Variants in CDC42BPA observed in about 807,000 individuals in gnomAD.
CDC42BPA encodes CDC42 binding protein kinase alpha.
CDC42BPA carries 80 observed loss-of-function variants against 223.5 expected under a neutral mutation model. The ratio of observed to expected loss-of-function variants is 0.36; its 90% CI spans 0.30 to 0.43. The LOEUF is 0.43. Ranked by LOEUF, CDC42BPA falls within the 20% of genes least tolerant of loss-of-function variation. The pLI is 1.00. For missense variants in CDC42BPA, 1,743 were observed against 2,099.9 expected, an observed-to-expected ratio of 0.83 and a Z score of 3.32; for synonymous variants, 694 against 718.6, an observed-to-expected ratio of 0.97 and a Z score of 0.55.
intron 21 of CDC42BPA, among the ~76,000 whole-genome samples, chr1:227,056,585 T>G (rs1363480391): frequency 1.3e-5 from 2 of 152,084 alleles, no homozygotes; most frequent in African/African-American, 4.8e-5. Context: ...AGAGGCAGGG[T>G]CTCCCTATGT....
At chr1:227,220,311 T>TATATATATATATACAC (rs1210485137) in intron 2 of CDC42BPA, among the ~76,000 whole-genome samples, 1 of 49,532 alleles carries the variant, frequency 2.0e-5, no homozygotes, top group African/African-American at 7.1e-5. Context: ...TATATATATA[T>TATATATATATATACAC]ACACACACAC....
intron 2 of CDC42BPA, among the ~76,000 whole-genome samples, chr1:227,241,964 T>A (rs887519801): frequency 6.6e-6 from 1 of 152,138 alleles, no homozygotes; most frequent in African/African-American, 2.4e-5. Context: ...AATTGTCTTA[T>A]GAGCTTAAAT....
chr1:227,316,943 T>C, intron 1 of CDC42BPA, 62 bp downstream of exon 1: 1 of 1,256,754 alleles, frequency 8.0e-7, no homozygotes, highest in African/African-American at 1.5e-5. Flanking sequence ...TAACTCTCTA[T>C]ACCAATTAAA....
intron 15 of CDC42BPA, among the ~76,000 whole-genome samples, chr1:227,092,645 G>A (rs571509416): frequency 3.0e-4 from 45 of 152,090 alleles, no homozygotes; most frequent in Non-Finnish European, 5.7e-4. Flanking sequence ...ATTAACAATA[G>A]TATTCCAAAC....
intron 1 of CDC42BPA, among the ~76,000 whole-genome samples, chr1:227,311,892 T>TC (rs1693602168): frequency 1.3e-5 from 2 of 150,858 alleles, no homozygotes; most frequent in African/African-American, 2.4e-5. Context: ...TGCCCATACC[T>TC]TACACTCTTT....
chr1:227,017,380 T>C (rs1352705342), intron 32 of CDC42BPA, among the ~76,000 whole-genome samples: 1 of 152,174 alleles, frequency 6.6e-6, no homozygotes. Flanking sequence ...AATACTATAT[T>C]TTCTCTCCCT....
intron 11 of CDC42BPA, among the ~76,000 whole-genome samples, chr1:227,125,120 T>C (rs80318211): frequency 0.091 from 13,808 of 151,546 alleles, 849 homozygotes; most frequent in Middle Eastern, 0.16. Context: ...CTGCTCTTTC[T>C]AGCCAAAGGA....
At chr1:227,263,636 T>A (rs1684484588) in intron 1 of CDC42BPA, among the ~76,000 whole-genome samples, 1 of 150,740 alleles carries the variant, frequency 6.6e-6, no homozygotes. Flanking sequence ...GGCTGCAGTG[T>A]AATGGCATGA....
intron 5 of CDC42BPA, among the ~76,000 whole-genome samples, chr1:227,189,846 C>T (rs937033701): frequency 1.3e-5 from 2 of 152,100 alleles, no homozygotes; most frequent in African/African-American, 2.4e-5. Flanking sequence ...TCTCACTAGT[C>T]CCTTGTTGTA....
chr1:227,295,744 G>A (rs1690540259), intron 1 of CDC42BPA, among the ~76,000 whole-genome samples: 1 of 152,214 alleles, frequency 6.6e-6, no homozygotes, highest in Non-Finnish European at 1.5e-5. Context: ...GGCCATCCTT[G>A]GAGTATGGCC....
At chr1:227,196,961 G>A (rs867643497) in intron 4 of CDC42BPA, among the ~76,000 whole-genome samples, 1 of 152,020 alleles carries the variant, frequency 6.6e-6, no homozygotes. Flanking sequence ...TGTATTTAAT[G>A]AGCTTTTCTT....
At chr1:227,246,305 C>A (rs567150626) in intron 2 of CDC42BPA, among the ~76,000 whole-genome samples, 1 of 152,192 alleles carries the variant, frequency 6.6e-6, no homozygotes, top group Non-Finnish European at 1.5e-5. Flanking sequence ...AATAAAACAT[C>A]AGGTAGATTG....
chr1:227,034,560 T>C lies in CDC42BPA; in HGVS notation c.3476+95A>G, dbSNP rs184764106. The C allele has an allele frequency of 9.9e-5, 116 of 1,174,800 alleles. 1 individual carries two copies. The East Asian group carries it at 2.3e-3, about 24-fold the overall frequency. The allele number at this position is 1,174,800 out of a possible 1,614,324, so 72.8% of individuals were successfully genotyped here. ...AATTAGAAAATACGAAATTAGTTCA[T>C]TTAAATAAACCATGGCAACACAATT... On this transcript the variant is annotated intron_variant, in intron 26 of 36. Transcript: ENST00000366766.
At chr1:227,186,469 C>G (rs529951859) in intron 5 of CDC42BPA, among the ~76,000 whole-genome samples, 4 of 152,288 alleles carry the variant, frequency 2.6e-5, no homozygotes, top group African/African-American at 4.8e-5. Flanking sequence ...ATACCCAAGT[C>G]TGGCACCTTC....
chr1:227,115,229 C>T (rs900679297), intron 12 of CDC42BPA, among the ~76,000 whole-genome samples: 3 of 151,916 alleles, frequency 2.0e-5, no homozygotes, highest in African/African-American at 7.3e-5. Context: ...ATAGTAGAAA[C>T]ACATCCATAT....
chr1:227,110,520 G>A (rs1377293010), intron 14 of CDC42BPA, among the ~76,000 whole-genome samples: 2 of 152,040 alleles, frequency 1.3e-5, no homozygotes, highest in African/African-American at 4.8e-5. Flanking sequence ...TAGAAAACCT[G>A]GGTTTACATT....
chr1:227,207,238 C>T (rs1672915280), intron 3 of CDC42BPA, among the ~76,000 whole-genome samples: 2 of 150,106 alleles, frequency 1.3e-5, no homozygotes, highest in South Asian at 2.1e-4. Context: ...CAGTTTCATC[C>T]ATGTCCCTAC....
At chr1:227,314,295 GAA>G (rs1373912405) in intron 1 of CDC42BPA, among the ~76,000 whole-genome samples, 1 of 151,980 alleles carries the variant, frequency 6.6e-6, no homozygotes, top group African/African-American at 2.4e-5. Flanking sequence ...TACTATAAAT[GAA>G]AAATAATACA....
rs1373925166 is a variant in CDC42BPA at position 227,060,716 on chromosome 1, A to AGTTTTT, written c.2905-8732_2905-8731insAAAAAC. On this transcript the variant is annotated intron_variant, in intron 21 of 36. Transcript: ENST00000366766. ...AACTCTGGCAGGTAAGTAAATAGGT[A>AGTTTTT]CTTTTTTTTTTTTTTTTTTTTTTTT... Among the ~76,000 whole-genome samples, 479 of 126,446 alleles carry AGTTTTT rather than the reference A, an allele frequency of 3.8e-3. 13 individuals are homozygous for AGTTTTT. Among genetic ancestry groups the AGTTTTT allele is most frequent in the South Asian group, 7.4e-3 (31 of 4,182 alleles). 83.0% of individuals were successfully genotyped at this position (126,446 alleles called of 152,430 possible). A position where few individuals can be genotyped will look rare whatever the true frequency, so the allele number is the denominator to read the frequency against.
Sources: gnomAD v4.1 joint callset for allele counts (sites outside exome capture counted in the v4.1 genomes callset) on GRCh38, gnomAD v4.1.1 for gene constraint, MANE v1.5 for transcripts, NCBI Gene and HGNC (gene_info 2026-07-23, HGNC 2026-07-21) for gene names.